Variants in MACROD2 observed in about 807,000 individuals in gnomAD.
MACROD2 encodes mono-ADP ribosylhydrolase 2, also known as ADP-ribose glycohydrolase MACROD2.
A neutral mutation model predicts 70.4 loss-of-function variants in MACROD2; 36 were observed. That is an observed-to-expected ratio of 0.51 (90% confidence interval 0.39 to 0.68). MACROD2 has a LOEUF of 0.68. MACROD2 is among the 30% of genes least tolerant of loss of function. MACROD2 has a pLI of 0.00. For missense variants in MACROD2, 496 were observed against 538.4 expected, an observed-to-expected ratio of 0.92 and a Z score of 0.78; for synonymous variants, 172 against 178.8, an observed-to-expected ratio of 0.96 and a Z score of 0.30.
rs76466999 is a variant in MACROD2 at position 15,475,289 on chromosome 20, C to T, written c.572-24485C>T. ...GGACTGTATAGTAACATCTGCTCTGCACCTCACCATCCCACCACTACAAGG... is the reference window on the plus strand; with the variant it reads ...GGACTGTATAGTAACATCTGCTCTGTACCTCACCATCCCACCACTACAAGG... On this transcript the variant is annotated intron_variant, in intron 7 of 17. Transcript: ENST00000684519. 3.2e-3 allele frequency among the ~76,000 whole-genome samples: 490 copies of T among 152,308 alleles called. 3 individuals are homozygous for T. Among genetic ancestry groups the T allele is most frequent in the African/African-American group, 0.011 (470 of 41,576 alleles).
chr20:14,172,451 C>T (rs549114295), intron 3 of MACROD2, among the ~76,000 whole-genome samples: 1 of 151,994 alleles, frequency 6.6e-6, no homozygotes, highest in South Asian at 2.1e-4. Context: ...ATAACAGGTG[C>T]CTGCCACCAC....
intron 10 of MACROD2, among the ~76,000 whole-genome samples, chr20:15,913,261 G>A (rs898868760): frequency 6.6e-6 from 1 of 151,946 alleles, no homozygotes; most frequent in African/African-American, 2.4e-5. Flanking sequence ...TAAATAACCT[G>A]GTTGTAGAAT....
chr20:15,737,236 G>A (rs551834002), intron 8 of MACROD2, among the ~76,000 whole-genome samples: 3 of 152,276 alleles, frequency 2.0e-5, no homozygotes, highest in South Asian at 4.1e-4. Context: ...TAATTACAGG[G>A]CATCCAAGTG....
intron 2 of MACROD2, among the ~76,000 whole-genome samples, chr20:14,057,716 A>G (rs1357181943): frequency 6.6e-6 from 1 of 152,244 alleles, no homozygotes; most frequent in Non-Finnish European, 1.5e-5. Context: ...AGGCAAGCAC[A>G]GTAACATTCA....
At chr20:15,818,574 T>G (rs1268767049) in intron 8 of MACROD2, among the ~76,000 whole-genome samples, 2 of 152,184 alleles carry the variant, frequency 1.3e-5, no homozygotes, top group African/African-American at 4.8e-5. Flanking sequence ...CACAACCTGT[T>G]TTATCAGCAA....
intron 5 of MACROD2, among the ~76,000 whole-genome samples, chr20:14,697,820 T>G (rs2123626386): frequency 6.6e-6 from 1 of 152,280 alleles, no homozygotes; most frequent in East Asian, 1.9e-4. Flanking sequence ...TGACAGCAGT[T>G]TAAAGCTGGA....
At chr20:14,130,004 C>T (rs1332701942) in intron 3 of MACROD2, among the ~76,000 whole-genome samples, 2 of 152,110 alleles carry the variant, frequency 1.3e-5, no homozygotes, top group Non-Finnish European at 2.9e-5. Flanking sequence ...GGAACTGAAC[C>T]TGCCGTATCT....
At chr20:14,603,736 T>C (rs1357337810) in intron 4 of MACROD2, among the ~76,000 whole-genome samples, 2 of 152,214 alleles carry the variant, frequency 1.3e-5, no homozygotes, top group Non-Finnish European at 2.9e-5. Flanking sequence ...AGGAGAGTTT[T>C]ATTGTCATCA....
chr20:15,067,514 T>A, intron 5 of MACROD2, among the ~76,000 whole-genome samples: 1 of 152,004 alleles, frequency 6.6e-6, no homozygotes, highest in South Asian at 2.1e-4. Flanking sequence ...CACACCCGGC[T>A]AATTTTTGTA....
chr20:14,937,306 G>A (rs928741003), intron 5 of MACROD2, among the ~76,000 whole-genome samples: 5 of 152,092 alleles, frequency 3.3e-5, no homozygotes, highest in African/African-American at 9.7e-5. Flanking sequence ...AGGAGGAAAG[G>A]TAGTGGTGGT....
intron 4 of MACROD2, among the ~76,000 whole-genome samples, chr20:14,522,186 G>C (rs978800626): frequency 6.6e-6 from 1 of 151,878 alleles, no homozygotes; most frequent in Non-Finnish European, 1.5e-5. Context: ...AAAACGATTG[G>C]GTTAAAAAAG....
intron 5 of MACROD2, among the ~76,000 whole-genome samples, chr20:15,179,194 G>C (rs1472320109): frequency 5.3e-5 from 8 of 152,174 alleles, no homozygotes. Flanking sequence ...CTTGCCTAGG[G>C]TGGTGGTTAC....
intron 8 of MACROD2, among the ~76,000 whole-genome samples, chr20:15,548,167 A>G (rs1468293575): frequency 6.6e-6 from 1 of 152,156 alleles, no homozygotes; most frequent in Non-Finnish European, 1.5e-5. Context: ...CAGTTTTGGA[A>G]CTTAGCTTTA....
At chr20:15,631,407 A>T (rs1261849724) in intron 8 of MACROD2, among the ~76,000 whole-genome samples, 1 of 150,634 alleles carries the variant, frequency 6.6e-6, no homozygotes, top group Admixed American at 6.6e-5. Context: ...TCAAATGATG[A>T]TTTTTTTTTT....
chr20:16,023,685 C>T (rs2067036974), intron 15 of MACROD2, among the ~76,000 whole-genome samples: 1 of 152,060 alleles, frequency 6.6e-6, no homozygotes, highest in Admixed American at 6.5e-5. Flanking sequence ...GGACTCAATC[C>T]CACTGAGGCC....
chr20:14,625,598 G>T (rs1283198109), intron 4 of MACROD2, among the ~76,000 whole-genome samples: 2 of 152,162 alleles, frequency 1.3e-5, no homozygotes, highest in Non-Finnish European at 2.9e-5. Flanking sequence ...CATATGGCAT[G>T]TATTCCCACT....
At chr20:15,718,020 T>TC (rs1234409963) in intron 8 of MACROD2, among the ~76,000 whole-genome samples, 2 of 95,220 alleles carry the variant, frequency 2.1e-5, no homozygotes, top group African/African-American at 9.8e-5. Flanking sequence ...TTTTCTCTCT[T>TC]TTTTTTTTTT....
At chr20:14,080,290 A>G (rs2053971975) in intron 2 of MACROD2, among the ~76,000 whole-genome samples, 1 of 151,760 alleles carries the variant, frequency 6.6e-6, no homozygotes, top group Admixed American at 6.6e-5. Context: ...AAAAATACAA[A>G]AAATTAGCCG....
At position 14,326,844 on chromosome 20, in the gene MACROD2, G is replaced by A; in HGVS notation, c.272-166635G>A. The A allele has an allele frequency of 1.2e-6, 2 of 1,613,668 alleles. No homozygotes were observed. Among genetic ancestry groups the A allele is most frequent in the Non-Finnish European group, 1.7e-6 (2 of 1,179,768 alleles). Reference sequence around the variant, plus strand: ...GCTCTGTCAAATTAACTAGGTTGAAGAAAACTTTGTCACCTAAACCATGAT... The same window carrying A: ...GCTCTGTCAAATTAACTAGGTTGAAAAAAACTTTGTCACCTAAACCATGAT... On this transcript the variant is annotated intron_variant, in intron 3 of 17. Transcript: ENST00000684519. This position sits in a 1 kb window ranked among gnomAD's most constrained non-coding sequence, Gnocchi z 5.5.
Sources: gnomAD v4.1 joint callset for allele counts (sites outside exome capture counted in the v4.1 genomes callset) on GRCh38, gnomAD v4.1.1 for gene constraint, Gnocchi (gnomAD v3.1) non-coding constraint, MANE v1.5 for transcripts, NCBI Gene and HGNC (gene_info 2026-07-23, HGNC 2026-07-21) for gene names.